Variants in SAFB2 observed in about 807,000 individuals in gnomAD.
SAFB2 encodes the protein scaffold attachment factor B2.
Under a neutral mutation model 100.6 loss-of-function variants are expected in SAFB2, and 32 were observed. The ratio of observed to expected loss-of-function variants is 0.32; its 90% confidence interval spans 0.24 to 0.43. The LOEUF (loss-of-function observed/expected upper bound fraction) is 0.43. Ranked by LOEUF, SAFB2 falls within the 20% of genes least tolerant of loss-of-function variation. The pLI is 1.00. For missense variants in SAFB2, 1,185 were observed against 1,163.4 expected (o/e 1.02, Z -0.27); for synonymous variants, 500 against 439.4 (o/e 1.14, Z -1.72).
intron 18 of SAFB2, among the ~76,000 whole-genome samples, chr19:5,588,523 T>C (rs757977011): frequency 7.2e-5 from 11 of 152,182 alleles, no homozygotes; most frequent in Non-Finnish European, 1.3e-4. Context: ...TAACACTATG[T>C]AGTGTGTCTG....
intron 12 of SAFB2, among the ~76,000 whole-genome samples, chr19:5,599,913 C>CT: frequency 6.6e-6 from 1 of 152,322 alleles, no homozygotes; most frequent in East Asian, 1.9e-4. Context: ...CAGCAATACA[C>CT]ATAAGCCCTG....
chr19:5,589,826 A>G (rs1321540066), intron 18 of SAFB2, among the ~76,000 whole-genome samples: 1 of 152,088 alleles, frequency 6.6e-6, no homozygotes, highest in Admixed American at 6.5e-5. Flanking sequence ...AAGTGATTCT[A>G]ATAGGCAGGA....
chr19:5,615,748 A>G (rs955001773), intron 4 of SAFB2, among the ~76,000 whole-genome samples: 2 of 152,130 alleles, frequency 1.3e-5, no homozygotes, highest in African/African-American at 2.4e-5. Flanking sequence ...TTTTAAAAGG[A>G]AAAAACTAAA....
chr19:5,622,595 C>CCGCCCGCAGATCGAT lies in SAFB2; in HGVS notation c.106_120dup (p.Ile36_Ala40dup), dbSNP rs1342101158. 1.2e-6 allele frequency: 2 copies of CCGCCCGCAGATCGAT among 1,613,478 alleles called. No homozygotes were observed. The highest frequency in any genetic ancestry group is 1.7e-6 in the Non-Finnish European group (2 of 1,179,810). On this transcript the variant is annotated inframe_insertion, in exon 1 of 21. Coordinates refer to ENST00000252542, the MANE Select transcript of SAFB2 (RefSeq NM_014649.3). ...GTGTCCAGGTTCCGCTTCTTCAGCTCCGCCCGCAGATCGATCACCCGCAGC... is the reference window on the plus strand; with the variant it reads ...GTGTCCAGGTTCCGCTTCTTCAGCTCCGCCCGCAGATCGATCGCCCGCAGATCGATCACCCGCAGC...
intron 2 of SAFB2, 125 bp from the exon 3 acceptor site, chr19:5,616,611 C>T: frequency 1.3e-6 from 1 of 770,242 alleles, no homozygotes; most frequent in South Asian, 1.6e-5. Context: ...CTCCCCTCTC[C>T]TGTCACACGT....
chr19:5,598,134 CAAAA>C (rs11347497), intron 13 of SAFB2, among the ~76,000 whole-genome samples: 28 of 61,204 alleles, frequency 4.6e-4, no homozygotes, highest in Admixed American at 3.6e-3. Flanking sequence ...GACTCCATCT[CAAAA>C]AAAAAAAAAA....
intron 17 of SAFB2, chr19:5,591,431 A>G (rs1164103095): frequency 4.2e-6 from 1 of 236,960 alleles, no homozygotes; most frequent in South Asian, 6.8e-5. Context: ...GGCACTCGCC[A>G]CCATGCCTGG....
intron 4 of SAFB2, among the ~76,000 whole-genome samples, chr19:5,614,243 G>A (rs548764307): frequency 1.2e-4 from 19 of 152,104 alleles, no homozygotes; most frequent in Non-Finnish European, 1.9e-4. Flanking sequence ...GTGAGCCACC[G>A]CGCCTGGCCC....
At chr19:5,608,863 C>T (rs1487834307) in intron 9 of SAFB2, among the ~76,000 whole-genome samples, 1 of 152,108 alleles carries the variant, frequency 6.6e-6, no homozygotes, top group Non-Finnish European at 1.5e-5. Flanking sequence ...GTCTGGCCAA[C>T]ATGGCGAAAC....
rs778865970 is a variant in SAFB2 at position 5,595,344 on chromosome 19, C to T, written c.1919+17G>A. ...AGAGGAAACCACCAGCCCACAGCCT[C>T]ACCCAGCTCCACTCACCGCCGCCTC... On this transcript the variant is annotated intron_variant, in intron 14 of 20. Coordinates refer to ENST00000252542, the MANE Select transcript of SAFB2 (RefSeq NM_014649.3). 6.2e-7 allele frequency: 1 copy of T among 1,605,968 alleles called. No homozygotes were observed. The highest frequency in any genetic ancestry group is 1.1e-5 in the South Asian group (1 of 90,962).
chr19:5,600,276 G>A lies in SAFB2; in HGVS notation c.1560-16C>T, dbSNP rs748800064. 1 of 1,609,392 alleles carries A rather than the reference G, an allele frequency of 6.2e-7. No individual in the cohort carries two copies. The highest frequency in any genetic ancestry group is 1.1e-5 in the South Asian group (1 of 90,254). On this transcript the variant is annotated splice_polypyrimidine_tract_variant and intron_variant, in intron 11 of 20. Transcript: ENST00000252542. ...AATTACAGTTCTATTTAAAGACATG[G>A]TTATCAAATTTGAGTTCACAAGACT...
chr19:5,589,600 C>G (rs539926155), intron 18 of SAFB2, among the ~76,000 whole-genome samples: 4 of 152,266 alleles, frequency 2.6e-5, no homozygotes, highest in African/African-American at 9.6e-5. Flanking sequence ...ACGGCCAGCC[C>G]AGACGGCAAC....
Position 5,604,796 on chromosome 19 carries a change from G to A in SAFB2, c.1437C>T (p.Ser479=), listed in dbSNP as rs761393538. ...HRTELHGRMI[S]VEKAKNEPAG... ...ACGAGAACTGCCTCACCTTCTCTAC[G>A]GAGATCATTCGTCCATGCAGCTCAG... Residue 479 remains serine, a synonymous_variant, in exon 10 of 21, where the codon TCC becomes TCT. Transcript: ENST00000252542. The A allele has an allele frequency of 9.3e-6, 15 of 1,614,090 alleles. No homozygotes were observed. Among genetic ancestry groups the A allele is most frequent in the East Asian group, 2.2e-5 (1 of 44,864 alleles).
At chr19:5,612,685 CTT>C in intron 5 of SAFB2, 118 bp from the exon 6 acceptor site, 1 of 771,516 alleles carries the variant, frequency 1.3e-6, no homozygotes, top group Non-Finnish European at 2.2e-6. Flanking sequence ...ACAAAACTTT[CTT>C]GTCTCCAAAA....
chr19:5,618,606 C>T (rs1174896054), intron 2 of SAFB2, among the ~76,000 whole-genome samples: 1 of 152,242 alleles, frequency 6.6e-6, no homozygotes, highest in Non-Finnish European at 1.5e-5. Context: ...TGTCCCACTT[C>T]GCATTATATC....
At chr19:5,589,875 A>T (rs775595277) in intron 18 of SAFB2, among the ~76,000 whole-genome samples, 9 of 152,154 alleles carry the variant, frequency 5.9e-5, no homozygotes, top group Non-Finnish European at 1.3e-4. Flanking sequence ...ACTGGGGGTC[A>T]GAGAAAAAAC....
Position 5,616,260 on chromosome 19 carries a change from C to G in SAFB2, c.415G>C (p.Val139Leu), listed in dbSNP as rs767937041. ...MDMSVLDETE[V>L]ANSSAPDFGE... is the part of the protein sequence containing the mutation. The stretch of plus-strand genomic sequence containing the variant: ...AAATCTGGAGCACTGCTATTCGCCA[C>G]TTCAGTTTCGTCTAGCACACTCATG... Residue 139 changes from valine (V) to leucine (L), a missense_variant, in exon 4 of 21, where the codon GTG becomes CTG. By Grantham distance (32) the Val-to-Leu change is conservative. This residue lies in a region of SAFB2 where 351 missense variants were observed against 341.2 expected (regional missense o/e 1.03). Coordinates refer to ENST00000252542, the MANE Select transcript of SAFB2 (RefSeq NM_014649.3). The G allele has an allele frequency of 6.8e-6, 11 of 1,614,114 alleles. No individual in the cohort carries two copies. Among genetic ancestry groups the G allele is most frequent in the Non-Finnish European group, 9.3e-6 (11 of 1,180,058 alleles).
rs370656591 is a variant in SAFB2, at chr19:5,593,979, G to T, written c.2119C>A (p.Arg707Ser). The T allele has an allele frequency of 1.9e-6, 3 of 1,554,402 alleles. No homozygotes were observed. Among genetic ancestry groups the T allele is most frequent in the East Asian group, 2.4e-5 (1 of 41,866 alleles). The change falls in exon 15 of 21, where the codon CGC becomes AGC. Residue 707 changes from arginine (R) to serine (S), a missense_variant. Around this residue, in one of 3 missense-constraint regions of SAFB2, gnomAD observed 740 missense variants for 687.1 expected, o/e 1.08. Transcript: ENST00000252542. ...ERRKEQERIHREREELRRQQE... is the reference protein window; with the variant it reads ...ERRKEQERIHSEREELRRQQE... ...TGGCGCCGCAGCTCCTCGCGCTCGCGGTGGATGCGCTCCTGCTCCTTCCTG... is the reference window on the plus strand; with the variant it reads ...TGGCGCCGCAGCTCCTCGCGCTCGCTGTGGATGCGCTCCTGCTCCTTCCTG...
intron 11 of SAFB2, among the ~76,000 whole-genome samples, chr19:5,601,156 T>A (rs190219998): frequency 1.6e-3 from 238 of 152,202 alleles, no homozygotes; most frequent in East Asian, 5.8e-3. Flanking sequence ...TTAAAAAAAA[T>A]ATATATATAC....
Sources: gnomAD v4.1 joint callset for allele counts (sites outside exome capture counted in the v4.1 genomes callset) on GRCh38, gnomAD v4.1.1 for gene constraint, gnomAD v4.1.1 regional missense constraint, MANE v1.5 for transcripts, NCBI Gene and HGNC (gene_info 2026-07-23, HGNC 2026-07-21) for gene names.